TACC2: variants seen among roughly 807,000 people sequenced by gnomAD.
TACC2 encodes the protein transforming acidic coiled-coil-containing protein 2.
Under a neutral mutation model 227.3 loss-of-function variants are expected in TACC2, and 137 were observed. The observed-to-expected ratio is 0.60, with a 90% CI of 0.52 to 0.69. The LOEUF (loss-of-function observed/expected upper bound fraction) is 0.69. Ranked by LOEUF, TACC2 falls within the 30% of genes least tolerant of loss-of-function variation. The pLI is 0.00. For synonymous variants in TACC2, 1,523 were observed against 1,487.5 expected, an observed-to-expected ratio of 1.02 and a Z score of -0.55; for missense variants, 3,470 against 3,694.4, an observed-to-expected ratio of 0.94 and a Z score of 1.57.
chr10:122,141,340 G>C lies in TACC2; in HGVS notation c.5700-2232G>C, dbSNP rs540075039. 6.6e-6 allele frequency among the ~76,000 whole-genome samples: 1 copy of C among 152,274 alleles called. No homozygotes were observed. The highest frequency in any genetic ancestry group is 2.1e-4 in the South Asian group (1 of 4,826). Reference sequence around the variant, plus strand: ...TATGAGCCAACAGGCGGTGGAAGGAGGGGGGCGCCTTTCTTAAATGAGCTG... The same window carrying C: ...TATGAGCCAACAGGCGGTGGAAGGACGGGGGCGCCTTTCTTAAATGAGCTG... On this transcript the variant is annotated intron_variant, in intron 6 of 22. Coordinates refer to ENST00000369005, the MANE Select transcript of TACC2 (RefSeq NM_206862.4). The surrounding 1 kb of genome is among the most constrained non-coding windows in gnomAD (Gnocchi z 4.3).
chr10:122,028,153 TATCTC>T (rs1314772046), intron 2 of TACC2, among the ~76,000 whole-genome samples: 9 of 142,080 alleles, frequency 6.3e-5, no homozygotes, highest in Non-Finnish European at 9.1e-5. Flanking sequence ...AGTGGTGTGA[TATCTC>T]AGCTCACTGC....
At chr10:122,123,965 C>T (rs1338297376) in intron 5 of TACC2, among the ~76,000 whole-genome samples, 1 of 151,970 alleles carries the variant, frequency 6.6e-6, no homozygotes, top group Non-Finnish European at 1.5e-5. Context: ...AGGCACGCGC[C>T]ACCATGCCTG....
At position 122,050,520 on chromosome 10, in the gene TACC2, C is replaced by T; in HGVS notation, c.116C>T (p.Pro39Leu). The change falls in exon 3 of 23, where the codon CCC becomes CTC. Residue 39 changes from proline to leucine, a missense_variant. By Grantham distance (98) the Pro-to-Leu change is moderately conservative. Coordinates refer to ENST00000369005, the MANE Select transcript of TACC2 (RefSeq NM_206862.4). The surrounding 1 kb of genome is among the most constrained non-coding windows in gnomAD (Gnocchi z 4.6). ...QNIKRKQQDTPGSPDHRDASS... is the reference protein window; with the variant it reads ...QNIKRKQQDTLGSPDHRDASS... The stretch of plus-strand genomic sequence containing the variant: ...ATAAAAAGGAAGCAGCAGGACACGC[C>T]CGGAAGCCCTGACCACAGAGACGCG... 1 of 1,614,058 alleles carries T rather than the reference C, an allele frequency of 6.2e-7. No individual in the cohort carries two copies. Among genetic ancestry groups the T allele is most frequent in the African/African-American group, 1.3e-5 (1 of 75,022 alleles).
chr10:122,165,684 G>A (rs759522415), intron 7 of TACC2, among the ~76,000 whole-genome samples: 1 of 152,092 alleles, frequency 6.6e-6, no homozygotes, highest in African/African-American at 2.4e-5. Flanking sequence ...ATATGCCCCC[G>A]CCTGAGGCTT....
In TACC2 at chr10:122,210,951, G is replaced by T; in HGVS notation, c.6526G>T (p.Glu2176Ter). ...GENLASETKTESAKTEGPSPA... is the reference protein window; with the variant it reads ...GENLASETKT ...GAATCTAGCATCTGAGACGAAAACG[G>T]AATCTGCCAAGACGGAAGGTCCTAG... Residue 2176 changes from glutamate (E) to a stop codon, truncating the protein, a stop_gained, in exon 9 of 23, where the codon GAA (glutamate) becomes TAA (stop). Coordinates refer to ENST00000369005, the MANE Select transcript of TACC2 (RefSeq NM_206862.4). LOFTEE classifies it high-confidence loss of function. The surrounding 1 kb of genome is among the most constrained non-coding windows in gnomAD (Gnocchi z 4.6). The T allele has an allele frequency of 6.2e-7, 1 of 1,614,024 alleles. No homozygotes were observed. The highest frequency in any genetic ancestry group is 8.5e-7 in the Non-Finnish European group (1 of 1,179,992).
chr10:122,182,907 G>C lies in TACC2; in HGVS notation c.5835-12133G>C, dbSNP rs61873774. On this transcript the variant is annotated intron_variant, in intron 7 of 22. Coordinates refer to ENST00000369005, the MANE Select transcript of TACC2 (RefSeq NM_206862.4). ...AGATACATTCGATGTAAACAGCTTA[G>C]GAGCCAGGTCGGGCCTGGTGGCTTC... is the stretch of plus-strand genomic sequence containing the variant. Among the ~76,000 whole-genome samples, 868 of 152,274 alleles carry C rather than the reference G, an allele frequency of 5.7e-3. 5 individuals carry two copies. Among genetic ancestry groups the C allele is most frequent in the Non-Finnish European group, 9.9e-3 (673 of 68,016 alleles).
intron 5 of TACC2, among the ~76,000 whole-genome samples, chr10:122,104,128 A>G (rs1412923887): frequency 6.6e-6 from 1 of 152,168 alleles, no homozygotes; most frequent in Admixed American, 6.5e-5. Flanking sequence ...ATACTTGATG[A>G]ATGACTTAAT....
chr10:122,163,612 C>G (rs2092959283), intron 7 of TACC2: 1 of 1,017,352 alleles, frequency 9.8e-7, no homozygotes, highest in Non-Finnish European at 1.2e-6. Flanking sequence ...AGAGAAGAGC[C>G]TTTCGGACCA....
At chr10:122,092,452 C>T (rs1429064337) in intron 5 of TACC2, among the ~76,000 whole-genome samples, 29 of 152,144 alleles carry the variant, frequency 1.9e-4, no homozygotes, top group Admixed American at 1.8e-3. Context: ...TGACATGCTT[C>T]TGTGGATTGA....
intron 7 of TACC2, among the ~76,000 whole-genome samples, chr10:122,160,549 T>C (rs2092759048): frequency 6.6e-6 from 1 of 151,494 alleles, no homozygotes; most frequent in Admixed American, 6.6e-5. Flanking sequence ...GGGGGGGGTC[T>C]CGTGTCTTTT....
Position 122,084,809 on chromosome 10 carries a change from C to T in TACC2, c.2309C>T (p.Ser770Leu), listed in dbSNP as rs558056061. 3.7e-5 allele frequency: 60 copies of T among 1,613,670 alleles called. No individual in the cohort carries two copies. The highest frequency in any genetic ancestry group is 2.0e-4 in the East Asian group (9 of 44,884). The change falls in exon 4 of 23, where the codon TCG (serine) becomes TTG (leucine). Residue 770 changes from serine to leucine, a missense_variant. Transcript: ENST00000369005. ...CCCCGCGGGCCGGCGTGTGATGCGT[C>T]GAGACAGGAATTTCATGCTGGGGTG... Reference protein sequence around the residue: ...DQPRGPACDASRQEFHAGVPH... With the variant: ...DQPRGPACDALRQEFHAGVPH...
chr10:122,176,077 C>G (rs951878975), intron 7 of TACC2, among the ~76,000 whole-genome samples: 55 of 68,482 alleles, frequency 8.0e-4, no homozygotes, highest in African/African-American at 2.3e-3. Flanking sequence ...AAAACCTTCT[C>G]TCTCTCTCTC....
At position 122,050,376 on chromosome 10, in the gene TACC2, T is replaced by C. The variant is rs1040585779; in HGVS notation, c.34-62T>C. On this transcript the variant is annotated intron_variant, in intron 2 of 22. Coordinates refer to ENST00000369005, the MANE Select transcript of TACC2 (RefSeq NM_206862.4). This position sits in a 1 kb window ranked among gnomAD's most constrained non-coding sequence, Gnocchi z 4.6. Reference sequence around the variant, plus strand: ...GTGGTGGGTGCCCTGTTGATAAATGTTTTTGTGTTTTCAGAGACTCCTATC... The same window carrying C: ...GTGGTGGGTGCCCTGTTGATAAATGCTTTTGTGTTTTCAGAGACTCCTATC... 8 of 1,345,972 alleles carry C rather than the reference T, an allele frequency of 5.9e-6. No individual in the cohort carries two copies. The highest frequency in any genetic ancestry group is 5.3e-6 in the Non-Finnish European group (5 of 949,232). 83.4% of individuals were successfully genotyped at this position (1,345,972 alleles called of 1,614,324 possible).
rs78072020 is a variant in TACC2, at chr10:122,158,394, C to CA, written c.5834+14699dup. On this transcript the variant is annotated intron_variant, in intron 7 of 22. Coordinates refer to ENST00000369005, the MANE Select transcript of TACC2 (RefSeq NM_206862.4). ...ACAGAGCGAGAGCGAGACTCCATCT[C>CA]AAAAAAAAAAACAAAAACAAAAAAG... Among the ~76,000 whole-genome samples the CA allele has an allele frequency of 5.2e-3, 711 of 137,310 alleles. 3 individuals carry two copies. The highest frequency in any genetic ancestry group is 0.026 in the Middle Eastern group (7 of 270). 90.1% of individuals were successfully genotyped at this position (137,310 alleles called of 152,430 possible). A position where few individuals can be genotyped will look rare whatever the true frequency, so the allele number is the denominator to read the frequency against.
At chr10:122,169,520 T>G (rs2093360591) in intron 7 of TACC2, among the ~76,000 whole-genome samples, 1 of 152,216 alleles carries the variant, frequency 6.6e-6, no homozygotes, top group Non-Finnish European at 1.5e-5. Context: ...AGACAACATG[T>G]AAATCCATGT....
At chr10:122,066,682 C>G (rs2077426408) in intron 3 of TACC2, among the ~76,000 whole-genome samples, 1 of 152,176 alleles carries the variant, frequency 6.6e-6, no homozygotes, top group Admixed American at 6.5e-5. Flanking sequence ...GGATTATAGG[C>G]AAAAGCCACC....
At chr10:122,148,974 A>G (rs1317595641) in intron 7 of TACC2, among the ~76,000 whole-genome samples, 1 of 152,222 alleles carries the variant, frequency 6.6e-6, no homozygotes, top group African/African-American at 2.4e-5. Context: ...TTTCCCCTCC[A>G]TCGTAGCCCT....
chr10:122,033,171 G>A (rs751694697), intron 2 of TACC2: 1 of 1,287,018 alleles, frequency 7.8e-7, no homozygotes, highest in Non-Finnish European at 1.0e-6. Flanking sequence ...GGAATGTGCT[G>A]TTCTGCATGG....
rs772309661 is a variant in TACC2 at position 122,150,747 on chromosome 10, G to A, written c.5834+7041G>A. Among the ~76,000 whole-genome samples the A allele has an allele frequency of 6.6e-6, 1 of 152,164 alleles. No homozygotes were observed. The highest frequency in any genetic ancestry group is 2.4e-5 in the African/African-American group (1 of 41,424). On this transcript the variant is annotated intron_variant, in intron 7 of 22. Transcript: ENST00000369005. This position sits in a 1 kb window ranked among gnomAD's most constrained non-coding sequence, Gnocchi z 4.0. ...GATGAGCCAGTTTCTTTAATACTTC[G>A]CTGTCAGGAGAAGGACCTGCTGAGC...
Sources: gnomAD v4.1 joint callset for allele counts (sites outside exome capture counted in the v4.1 genomes callset) on GRCh38, gnomAD v4.1.1 for gene constraint, Gnocchi (gnomAD v3.1) non-coding constraint, MANE v1.5 for transcripts, NCBI Gene and HGNC (gene_info 2026-07-23, HGNC 2026-07-21) for gene names.